The following SLC38A1 variants were observed in gnomAD, a reference collection of about 807,000 sequenced individuals.
The protein encoded by SLC38A1 is sodium-coupled neutral amino acid symporter 1.
SLC38A1 carries 18 observed loss-of-function variants against 60.3 expected under a neutral mutation model. The observed-to-expected ratio is 0.30, with a 90% CI of 0.21 to 0.44. The LOEUF is 0.44. Among genes scored for constraint, SLC38A1 ranks in the 20% least tolerant of loss-of-function variants. The pLI, the probability that SLC38A1 is intolerant of heterozygous loss-of-function variation, is 1.00. For synonymous variants in SLC38A1, 196 were observed against 212.1 expected (o/e 0.92, Z 0.66); for missense variants, 448 against 587.2 (o/e 0.76, Z 2.45).
chr12:46,228,580 G>A (rs1160915462), intron 5 of SLC38A1, among the ~76,000 whole-genome samples: 1 of 152,028 alleles, frequency 6.6e-6, no homozygotes, highest in African/African-American at 2.4e-5. Context: ...CTAAAAATAA[G>A]CCCTCCATAC....
At chr12:46,208,714 T>C (rs990322265) in intron 6 of SLC38A1, among the ~76,000 whole-genome samples, 2 of 152,190 alleles carry the variant, frequency 1.3e-5, no homozygotes, top group Admixed American at 1.3e-4. Context: ...TTGGAAGTTA[T>C]AATATAAAAA....
Position 46,239,764 on chromosome 12 carries a change from A to G in SLC38A1, c.37T>C (p.Leu13=). Residue 13 remains leucine (L), a synonymous_variant, in exon 3 of 17, where the codon TTG becomes CTG. Coordinates refer to ENST00000398637, the MANE Select transcript of SLC38A1 (RefSeq NM_030674.4). ...HFKSGLELTE[L]QNMTVPEDDN... ...TCCTCGGGCACTGTCATGTTTTGCA[A>G]CTCAGTTAATTCGAGTCCACTTTTG... 1.2e-6 allele frequency: 2 copies of G among 1,613,252 alleles called. No homozygotes were observed. The highest frequency in any genetic ancestry group is 1.7e-6 in the Non-Finnish European group (2 of 1,179,918).
intron 1 of SLC38A1, among the ~76,000 whole-genome samples, chr12:46,247,985 TGA>T (rs1941681464): frequency 1.3e-5 from 2 of 152,300 alleles, no homozygotes; most frequent in African/African-American, 4.8e-5. Context: ...AAGCAAATGC[TGA>T]GAGATTTTGT....
intron 4 of SLC38A1, 100 bp downstream of exon 4, chr12:46,229,463 CA>C: frequency 2.1e-6 from 2 of 938,908 alleles, no homozygotes; most frequent in Non-Finnish European, 3.4e-6. Context: ...CTGGTGAATA[CA>C]GGTAGTTATG....
chr12:46,237,434 G>A (rs758459150), intron 3 of SLC38A1, among the ~76,000 whole-genome samples: 6 of 148,728 alleles, frequency 4.0e-5, no homozygotes, highest in East Asian at 1.9e-4. Flanking sequence ...GTGTTAGAGC[G>A]AGAAATGAAG....
intron 16 of SLC38A1, among the ~76,000 whole-genome samples, chr12:46,191,709 T>C (rs7311868): frequency 0.23 from 34,237 of 152,052 alleles, 4,512 homozygotes; most frequent in Admixed American, 0.32. Context: ...TGAATGGGAT[T>C]TCACTCATGA....
intron 8 of SLC38A1, 136 bp downstream of exon 8, chr12:46,207,019 A>G (rs1359945766): frequency 1.6e-6 from 1 of 621,866 alleles, no homozygotes; most frequent in Non-Finnish European, 2.8e-6. Context: ...AAAGAAATTT[A>G]TTGTTGAAAC....
chr12:46,196,436 G>A (rs866933315), intron 16 of SLC38A1, among the ~76,000 whole-genome samples: 2 of 152,182 alleles, frequency 1.3e-5, no homozygotes, highest in African/African-American at 4.8e-5. Context: ...CAGGGTTGGA[G>A]AGGCTCAGAA....
At chr12:46,265,918 G>A (rs1942335979) in intron 1 of SLC38A1, among the ~76,000 whole-genome samples, 1 of 152,182 alleles carries the variant, frequency 6.6e-6, no homozygotes, top group African/African-American at 2.4e-5. Flanking sequence ...TCTAGGTAAG[G>A]TGACAGGGAC....
At chr12:46,213,123 G>A (rs1321912955) in intron 5 of SLC38A1, among the ~76,000 whole-genome samples, 1 of 152,194 alleles carries the variant, frequency 6.6e-6, no homozygotes, top group Non-Finnish European at 1.5e-5. Context: ...GTGCTGAGAT[G>A]AACACAATGC....
rs1283349672 is a variant in SLC38A1, at chr12:46,241,555, G to C, written c.-94+1645C>G. ...ACTTCCTCAAGAAGGAGGAGAGCCA[G>C]GACAGGGAGATTTGACCTCATGACT... On this transcript the variant is annotated intron_variant, in intron 2 of 16. Coordinates refer to ENST00000398637, the MANE Select transcript of SLC38A1 (RefSeq NM_030674.4). 2.6e-5 allele frequency among the ~76,000 whole-genome samples: 4 copies of C among 152,186 alleles called. No homozygotes were observed. In the South Asian group the frequency reaches 6.2e-4, roughly 24 times the overall value.
chr12:46,221,074 C>T (rs1170965220), intron 5 of SLC38A1, among the ~76,000 whole-genome samples: 2 of 152,146 alleles, frequency 1.3e-5, no homozygotes, highest in African/African-American at 2.4e-5. Flanking sequence ...TATTTTTCGA[C>T]TTATCCTTAC....
chr12:46,221,901 G>C (rs1452308648), intron 5 of SLC38A1, among the ~76,000 whole-genome samples: 1 of 152,180 alleles, frequency 6.6e-6, no homozygotes, highest in Non-Finnish European at 1.5e-5. Flanking sequence ...GATAACATCT[G>C]ATCTAGGCCT....
intron 1 of SLC38A1, among the ~76,000 whole-genome samples, chr12:46,249,110 C>T (rs533317589): frequency 2.8e-5 from 4 of 140,658 alleles, no homozygotes; most frequent in African/African-American, 8.1e-5. Flanking sequence ...GAGCCAAGAT[C>T]GTGCCACTGC....
chr12:46,214,189 T>C (rs1940302870), intron 5 of SLC38A1, among the ~76,000 whole-genome samples: 1 of 152,246 alleles, frequency 6.6e-6, no homozygotes, highest in South Asian at 2.1e-4. Flanking sequence ...AATTAGCCTA[T>C]TTCTAATCCT....
chr12:46,219,712 A>C (rs183722041), intron 5 of SLC38A1, among the ~76,000 whole-genome samples: 27,079 of 152,108 alleles, frequency 0.18, 4,061 homozygotes, highest in East Asian at 0.45. Flanking sequence ...TGATAACTCC[A>C]ACCTGGCCTA....
intron 3 of SLC38A1, among the ~76,000 whole-genome samples, chr12:46,238,774 C>A (rs752733214): frequency 6.6e-6 from 1 of 152,240 alleles, no homozygotes; most frequent in Non-Finnish European, 1.5e-5. Context: ...CAGGCCAGCA[C>A]TCTTCCTACC....
intron 5 of SLC38A1, among the ~76,000 whole-genome samples, chr12:46,215,428 T>C (rs1379190705): frequency 1.3e-5 from 2 of 152,134 alleles, no homozygotes; most frequent in Non-Finnish European, 2.9e-5. Context: ...TTTTTTTTTC[T>C]TGAGACAGAG....
chr12:46,230,327 T>C (rs1253440093), intron 3 of SLC38A1, among the ~76,000 whole-genome samples: 1 of 152,068 alleles, frequency 6.6e-6, no homozygotes, highest in Non-Finnish European at 1.5e-5. Context: ...GACTAGGAAA[T>C]TACGGTGGGA....
Sources: gnomAD v4.1 joint callset for allele counts (sites outside exome capture counted in the v4.1 genomes callset) on GRCh38, gnomAD v4.1.1 for gene constraint, MANE v1.5 for transcripts, NCBI Gene and HGNC (gene_info 2026-07-23, HGNC 2026-07-21) for gene names.